The following MAP3K5 variants were observed in gnomAD, a reference collection of about 807,000 sequenced individuals.
MAP3K5 encodes the protein ASK-1.
In MAP3K5, 56 loss-of-function variants were observed where a neutral mutation model predicts 158.7. The ratio of observed to expected loss-of-function variants is 0.35; its 90% CI spans 0.28 to 0.44. MAP3K5 has a LOEUF of 0.44. Among genes scored for constraint, MAP3K5 ranks in the 20% least tolerant of loss-of-function variants. The pLI, the probability that MAP3K5 is intolerant of heterozygous loss-of-function variation, is 1.00. For synonymous variants in MAP3K5, 579 were observed against 601.7 expected, an observed-to-expected ratio of 0.96 and a Z score of 0.55; for missense variants, 1,294 against 1,674.8, an observed-to-expected ratio of 0.77 and a Z score of 3.97.
intron 1 of MAP3K5, among the ~76,000 whole-genome samples, chr6:136,788,657 C>T (rs1784942836): frequency 6.6e-6 from 1 of 152,150 alleles, no homozygotes; most frequent in Admixed American, 6.5e-5. Context: ...AAATGTTCAT[C>T]ATCACTAATC....
chr6:136,602,893 A>G (rs1775938440), intron 19 of MAP3K5, among the ~76,000 whole-genome samples: 1 of 152,198 alleles, frequency 6.6e-6, no homozygotes, highest in Non-Finnish European at 1.5e-5. Context: ...TAAAAGAGAT[A>G]TTTAAAAGCA....
intron 21 of MAP3K5, among the ~76,000 whole-genome samples, chr6:136,596,105 T>C (rs1775618410): frequency 6.6e-6 from 1 of 151,952 alleles, no homozygotes; most frequent in Non-Finnish European, 1.5e-5. Context: ...AAGTAAAGGA[T>C]GACATAATTT....
At chr6:136,769,218 G>A (rs1784078929) in intron 1 of MAP3K5, among the ~76,000 whole-genome samples, 5 of 152,198 alleles carry the variant, frequency 3.3e-5, no homozygotes. Flanking sequence ...GATGAAGCAC[G>A]AAAGCATTAT....
intron 26 of MAP3K5, among the ~76,000 whole-genome samples, chr6:136,564,991 G>A (rs1037596455): frequency 6.6e-6 from 1 of 152,156 alleles, no homozygotes; most frequent in African/African-American, 2.4e-5. Context: ...TTCTGGCCAC[G>A]AGGCATCCCT....
chr6:136,764,702 G>C (rs1783889629), intron 1 of MAP3K5, among the ~76,000 whole-genome samples: 1 of 152,124 alleles, frequency 6.6e-6, no homozygotes, highest in Admixed American at 6.5e-5. Flanking sequence ...AAAATCACAA[G>C]TCCACACTGT....
Position 136,707,436 on chromosome 6 carries a change from G to C in MAP3K5, c.589-2303C>G, listed in dbSNP as rs117092027. Among the ~76,000 whole-genome samples the C allele has an allele frequency of 2.1e-3, 327 of 152,302 alleles. 10 individuals are homozygous for C. In the East Asian group the frequency reaches 0.036, roughly 17 times the overall value. ...TCCAAAGGCAAAGCCCGAAGGTGAG[G>C]ATCCAGGCCGGAGAGCTAGGTAAAG... On this transcript the variant is annotated intron_variant, in intron 2 of 29. Coordinates refer to ENST00000359015, the MANE Select transcript of MAP3K5 (RefSeq NM_005923.4).
At chr6:136,705,545 A>G (rs1242776592) in intron 2 of MAP3K5, among the ~76,000 whole-genome samples, 1 of 152,138 alleles carries the variant, frequency 6.6e-6, no homozygotes, top group Non-Finnish European at 1.5e-5. Flanking sequence ...GCCTCAAGCA[A>G]TTCTCCCACT....
chr6:136,679,215 C>T (rs1174356221), intron 7 of MAP3K5, among the ~76,000 whole-genome samples: 1 of 151,898 alleles, frequency 6.6e-6, no homozygotes, highest in African/African-American at 2.4e-5. Flanking sequence ...GAAGTCTTCA[C>T]AAAAAAAGAC....
At chr6:136,610,968 C>T (rs1404964511) in intron 18 of MAP3K5, among the ~76,000 whole-genome samples, 2 of 151,296 alleles carry the variant, frequency 1.3e-5, no homozygotes, top group Admixed American at 6.6e-5. Context: ...ATTAGCTGGG[C>T]GTGGTGGCGC....
At chr6:136,629,700 C>T (rs767346761) in intron 14 of MAP3K5, among the ~76,000 whole-genome samples, 8 of 151,966 alleles carry the variant, frequency 5.3e-5, no homozygotes, top group East Asian at 1.9e-4. Flanking sequence ...ATGATCCACC[C>T]GCCTTGGTCT....
chr6:136,744,049 G>A (rs774121025), intron 1 of MAP3K5, among the ~76,000 whole-genome samples: 1 of 152,144 alleles, frequency 6.6e-6, no homozygotes, highest in Non-Finnish European at 1.5e-5. Flanking sequence ...TTTTAGGGCA[G>A]TGCAACTATG....
At chr6:136,684,208 C>A (rs189942440) in intron 7 of MAP3K5, among the ~76,000 whole-genome samples, 10 of 151,766 alleles carry the variant, frequency 6.6e-5, no homozygotes, top group Non-Finnish European at 1.2e-4. Context: ...CAGAATGAGA[C>A]CCTATCTCAA....
chr6:136,688,100 T>C (rs1780229908), intron 7 of MAP3K5, among the ~76,000 whole-genome samples: 1 of 151,846 alleles, frequency 6.6e-6, no homozygotes, highest in Non-Finnish European at 1.5e-5. Context: ...TAAAAAAGGG[T>C]GAGTTCATGT....
chr6:136,616,836 C>T (rs1184773835), intron 15 of MAP3K5, among the ~76,000 whole-genome samples: 1 of 152,030 alleles, frequency 6.6e-6, no homozygotes, highest in Non-Finnish European at 1.5e-5. Flanking sequence ...TCAAGCAATG[C>T]TCCCATTTCA....
At chr6:136,772,887 TG>T (rs1324053695) in intron 1 of MAP3K5, among the ~76,000 whole-genome samples, 1 of 152,192 alleles carries the variant, frequency 6.6e-6, no homozygotes, top group African/African-American at 2.4e-5. Flanking sequence ...GACAGATGCA[TG>T]GAAGACTTAA....
chr6:136,624,056 T>C (rs963157184), intron 14 of MAP3K5, among the ~76,000 whole-genome samples: 2 of 152,036 alleles, frequency 1.3e-5, no homozygotes, highest in Non-Finnish European at 2.9e-5. Context: ...TAGCTGGGTA[T>C]GGTGGTGCAC....
intron 1 of MAP3K5, among the ~76,000 whole-genome samples, chr6:136,749,547 C>T: frequency 6.6e-6 from 1 of 151,970 alleles, no homozygotes; most frequent in East Asian, 1.9e-4. Flanking sequence ...AAATGAAATG[C>T]TCATCAGCAC....
intron 1 of MAP3K5, among the ~76,000 whole-genome samples, chr6:136,743,696 A>T (rs1167593630): frequency 6.6e-6 from 1 of 152,252 alleles, no homozygotes; most frequent in Non-Finnish European, 1.5e-5. Flanking sequence ...GTATTTACCC[A>T]AATGAAGTGA....
At chr6:136,703,804 A>G (rs1780954559) in intron 3 of MAP3K5, among the ~76,000 whole-genome samples, 1 of 152,234 alleles carries the variant, frequency 6.6e-6, no homozygotes. Context: ...TACTATAAAA[A>G]AAGGCTTAAA....
Sources: allele counts gnomAD v4.1 joint callset (sites outside exome capture counted in the v4.1 genomes callset), GRCh38; gene constraint gnomAD v4.1.1; transcripts MANE v1.5; gene names NCBI Gene and HGNC (gene_info 2026-07-23, HGNC 2026-07-21).